AIG1: variants seen among roughly 807,000 people sequenced by gnomAD.
AIG1 encodes the protein androgen-induced gene 1 protein.
Under a neutral mutation model 31.4 loss-of-function variants are expected in AIG1, and 23 were observed. The ratio of observed to expected loss-of-function variants is 0.73; its 90% confidence interval spans 0.53 to 1.04. The LOEUF (loss-of-function observed/expected upper bound fraction) is 1.04, where lower values mean the gene tolerates loss of function less well. Ranked by LOEUF, AIG1 falls within the 50% of genes least tolerant of loss-of-function variation. The pLI, the probability that AIG1 is intolerant of heterozygous loss-of-function variation, is 0.00. For synonymous variants in AIG1, 100 were observed against 110.5 expected (o/e 0.90, Z 0.60); for missense variants, 274 against 295.0 (o/e 0.93, Z 0.52).
At chr6:143,175,184 A>G (rs1264430325) in intron 3 of AIG1, among the ~76,000 whole-genome samples, 3 of 152,198 alleles carry the variant, frequency 2.0e-5, no homozygotes, top group African/African-American at 4.8e-5. Context: ...GGTTAATCTG[A>G]TAAGTTTTCC....
chr6:143,154,854 T>C (rs1785582398), intron 2 of AIG1, among the ~76,000 whole-genome samples: 1 of 152,172 alleles, frequency 6.6e-6, no homozygotes, highest in Non-Finnish European at 1.5e-5. Context: ...GTTGTTGTTC[T>C]GTTTTGTTTT....
At position 143,061,008 on chromosome 6, in the gene AIG1, A is replaced by C. The variant is rs1455896714; in HGVS notation, c.83A>C (p.Glu28Ala). ...CSILCNYKAI[E>A]MPSHQTYGGS... is the part of the protein sequence containing the mutation. ...ATCCTGTGTAACTACAAGGCCATCG[A>C]AATGCCCTCACACCAGACCTACGGA... is the stretch of plus-strand genomic sequence containing the variant. The change falls in exon 1 of 6, where the codon GAA (glutamate) becomes GCA (alanine). Residue 28 changes from glutamate (E) to alanine (A), a missense_variant. Glu to Ala is a moderately radical substitution (Grantham distance 107, BLOSUM62 -1). This residue lies in a region of AIG1 where 243 missense variants were observed against 238.5 expected (regional missense o/e 1.02). Transcript: ENST00000357847. 6.2e-7 allele frequency: 1 copy of C among 1,613,268 alleles called. No individual in the cohort carries two copies. Among genetic ancestry groups the C allele is most frequent in the Admixed American group, 1.7e-5 (1 of 59,968 alleles).
chr6:143,089,335 G>A (rs1779094566), intron 1 of AIG1, among the ~76,000 whole-genome samples: 1 of 152,056 alleles, frequency 6.6e-6, no homozygotes, highest in Admixed American at 6.5e-5. Flanking sequence ...TATAATATAA[G>A]GGATAAGCAC....
chr6:143,325,396 A>G lies in AIG1; in HGVS notation c.516-7886A>G, dbSNP rs1776527723. 6.6e-6 allele frequency among the ~76,000 whole-genome samples: 1 copy of G among 152,136 alleles called. No homozygotes were observed. Among genetic ancestry groups the G allele is most frequent in the African/African-American group, 2.4e-5 (1 of 41,422 alleles). ...TTTTGCCAATGAACTTGATACCTGT[A>G]TTGCCAAATCAGTCCTTTCTTCAAA... On this transcript the variant is annotated intron_variant, in intron 4 of 5. Coordinates refer to ENST00000357847, the MANE Select transcript of AIG1 (RefSeq NM_016108.4). The surrounding 1 kb of genome is among the most constrained non-coding windows in gnomAD (Gnocchi z 4.3).
intron 3 of AIG1, among the ~76,000 whole-genome samples, chr6:143,271,515 C>T (rs917962898): frequency 1.3e-4 from 20 of 152,088 alleles, no homozygotes; most frequent in African/African-American, 4.6e-4. Context: ...GCCAATCAAT[C>T]AAAATAACAT....
At position 143,325,946 on chromosome 6, in the gene AIG1, A is replaced by G. The variant is rs766459979; in HGVS notation, c.516-7336A>G. Among the ~76,000 whole-genome samples, 1 of 152,174 alleles carries G rather than the reference A, an allele frequency of 6.6e-6. No individual in the cohort carries two copies. The highest frequency in any genetic ancestry group is 2.4e-5 in the African/African-American group (1 of 41,448). Reference sequence around the variant, plus strand: ...GACTATTCCCACCATGGCTGAATTCAAGCTACTGACCAACCAGCTTGCAAA... The same window carrying G: ...GACTATTCCCACCATGGCTGAATTCGAGCTACTGACCAACCAGCTTGCAAA... On this transcript the variant is annotated intron_variant, in intron 4 of 5. Coordinates refer to ENST00000357847, the MANE Select transcript of AIG1 (RefSeq NM_016108.4). The surrounding 1 kb of genome is among the most constrained non-coding windows in gnomAD (Gnocchi z 4.3).
intron 1 of AIG1, among the ~76,000 whole-genome samples, chr6:143,086,244 G>A (rs1202219861): frequency 6.6e-6 from 1 of 152,150 alleles, no homozygotes; most frequent in African/African-American, 2.4e-5. Flanking sequence ...GGTAGTATTG[G>A]AGTGTTATAG....
intron 3 of AIG1, among the ~76,000 whole-genome samples, chr6:143,170,858 C>A (rs1232322313): frequency 6.9e-6 from 1 of 144,604 alleles, no homozygotes; most frequent in Non-Finnish European, 1.5e-5. Flanking sequence ...CCACCTGTTC[C>A]CCAAAAACCT....
intron 2 of AIG1, among the ~76,000 whole-genome samples, chr6:143,155,636 A>G (rs1785674657): frequency 1.3e-5 from 2 of 152,182 alleles, no homozygotes. Flanking sequence ...CAAGTGCACC[A>G]TGATGGTAGC....
At chr6:143,223,135 CCTCTGTCTAGCAGA>C (rs1266483548) in intron 3 of AIG1, among the ~76,000 whole-genome samples, 10 of 152,188 alleles carry the variant, frequency 6.6e-5, no homozygotes, top group African/African-American at 2.4e-4. Context: ...AGCCAGCCAG[CCTCTGTCTAGCAGA>C]CCCACTGGTG....
chr6:143,150,691 A>G (rs1008381580), intron 2 of AIG1, among the ~76,000 whole-genome samples: 1 of 152,136 alleles, frequency 6.6e-6, no homozygotes, highest in African/African-American at 2.4e-5. Flanking sequence ...GTCTCAAGCA[A>G]AAAAAGGGTA....
intron 1 of AIG1, among the ~76,000 whole-genome samples, chr6:143,084,215 C>T (rs920793054): frequency 6.6e-6 from 1 of 152,204 alleles, no homozygotes; most frequent in Admixed American, 6.5e-5. Context: ...CACCCTCAGT[C>T]CTGCTACCGG....
intron 1 of AIG1, among the ~76,000 whole-genome samples, chr6:143,066,762 T>G (rs1328267095): frequency 6.6e-6 from 1 of 152,184 alleles, no homozygotes; most frequent in South Asian, 2.1e-4. Flanking sequence ...CAATACACAT[T>G]TGATTGTATT....
chr6:143,311,749 G>A (rs1039941650), intron 4 of AIG1, among the ~76,000 whole-genome samples: 1 of 151,688 alleles, frequency 6.6e-6, no homozygotes, highest in Non-Finnish European at 1.5e-5. Context: ...GAAATAGAGA[G>A]CATCCAAAAT....
At position 143,136,943 on chromosome 6, in the gene AIG1, T is replaced by C. The variant is rs1783811909; in HGVS notation, c.250T>C (p.Ser84Pro). ...EQERQLKKLI[S>P]LRDWMLAVLA... is the part of the protein sequence containing the mutation. ...AGAGAGGCAGCTCAAGAAGCTCATCTCTCTCCGGGACTGGATGTTAGCTGT... is the reference window on the plus strand; with the variant it reads ...AGAGAGGCAGCTCAAGAAGCTCATCCCTCTCCGGGACTGGATGTTAGCTGT... The change falls in exon 2 of 6, where the codon TCT (serine) becomes CCT (proline). Residue 84 changes from serine to proline, a missense_variant. This residue lies in a region of AIG1 where 243 missense variants were observed against 238.5 expected (regional missense o/e 1.02). Transcript: ENST00000357847. The C allele has an allele frequency of 1.3e-6, 2 of 1,527,366 alleles. No individual in the cohort carries two copies. The highest frequency in any genetic ancestry group is 1.8e-6 in the Non-Finnish European group (2 of 1,124,962). 94.6% of individuals were successfully genotyped at this position (1,527,366 alleles called of 1,614,324 possible).
At chr6:143,296,740 G>A (rs1355128779) in intron 4 of AIG1, among the ~76,000 whole-genome samples, 2 of 152,180 alleles carry the variant, frequency 1.3e-5, no homozygotes, top group Admixed American at 1.3e-4. Flanking sequence ...GGATGGAAAT[G>A]GCAAGAGAAA....
intron 3 of AIG1, among the ~76,000 whole-genome samples, chr6:143,267,676 T>C (rs143326926): frequency 1.3e-5 from 2 of 152,306 alleles, no homozygotes; most frequent in East Asian, 1.9e-4. Flanking sequence ...CATAGACTTA[T>C]GACTATCAAA....
intron 3 of AIG1, among the ~76,000 whole-genome samples, chr6:143,254,443 C>T (rs1024668222): frequency 3.9e-5 from 6 of 152,102 alleles, no homozygotes; most frequent in Non-Finnish European, 8.8e-5. Flanking sequence ...TAGATCCCAC[C>T]GCGAGGCAAA....
At chr6:143,224,193 A>G (rs537945572) in intron 3 of AIG1, among the ~76,000 whole-genome samples, 5 of 152,350 alleles carry the variant, frequency 3.3e-5, no homozygotes, top group East Asian at 3.9e-4. Context: ...GTTGTAGCCA[A>G]TGTCACCAAC....
Sources: gnomAD v4.1 joint callset for allele counts (sites outside exome capture counted in the v4.1 genomes callset) on GRCh38, gnomAD v4.1.1 for gene constraint, gnomAD v4.1.1 regional missense constraint, Gnocchi (gnomAD v3.1) non-coding constraint, MANE v1.5 for transcripts, NCBI Gene and HGNC (gene_info 2026-07-23, HGNC 2026-07-21) for gene names.